Variants in GRM5 observed in about 807,000 individuals in gnomAD.
The protein encoded by GRM5 is metabotropic glutamate receptor 5.
GRM5 carries 19 observed loss-of-function variants against 83.1 expected under a neutral mutation model. That is an observed-to-expected ratio of 0.23 (90% CI 0.16 to 0.34). The LOEUF (loss-of-function observed/expected upper bound fraction) is 0.34, where lower values mean the gene tolerates loss of function less well. GRM5 is among the 10% of genes least tolerant of loss of function. The probability of loss-of-function intolerance (pLI) is 1.00; values close to 1 mark genes in which losing one functional copy is unlikely to be tolerated. For missense variants in GRM5, 1,160 were observed against 1,588.3 expected, an observed-to-expected ratio of 0.73 and a Z score of 4.58; for synonymous variants, 675 against 633.6, an observed-to-expected ratio of 1.07 and a Z score of -0.98.
chr11:88,567,096 CTAGGCTGCT>C lies in GRM5; in HGVS notation c.2578_2586del (p.Ser860_Leu862del), dbSNP rs754389708. On this transcript the variant is annotated inframe_deletion, in exon 8 of 10. Coordinates refer to ENST00000305447, the MANE Select transcript of GRM5 (RefSeq NM_001143831.3). The surrounding 1 kb of genome is among the most constrained non-coding windows in gnomAD (Gnocchi z 7.3). ...GAGCCCCTTCTCTTCCACAGGTTGA[CTAGGCTGCT>C]GGATCTGCTGGCTGCGGAGGATGAC... 13 of 1,613,866 alleles carry C rather than the reference CTAGGCTGCT, an allele frequency of 8.1e-6. No individual in the cohort carries two copies. Among genetic ancestry groups the C allele is most frequent in the Non-Finnish European group, 1.1e-5 (13 of 1,179,826 alleles).
intron 3 of GRM5, among the ~76,000 whole-genome samples, chr11:88,662,016 A>T: frequency 6.6e-6 from 1 of 152,204 alleles, no homozygotes. Context: ...ATTCATAAAA[A>T]GTAAGTAGAG....
At chr11:88,590,457 T>C (rs1434164648) in intron 7 of GRM5, 144 bp downstream of exon 7, 2 of 649,290 alleles carry the variant, frequency 3.1e-6, no homozygotes, top group Non-Finnish European at 5.3e-6. Context: ...GCTCAGACTT[T>C]GGGAAGCTTG....
intron 2 of GRM5, among the ~76,000 whole-genome samples, chr11:89,039,697 G>C (rs951653565): frequency 9.9e-5 from 15 of 152,132 alleles, no homozygotes; most frequent in African/African-American, 3.4e-4. Context: ...GATACCTAAA[G>C]GTAGCAGTCA....
intron 2 of GRM5, among the ~76,000 whole-genome samples, chr11:88,926,671 G>A (rs1207828147): frequency 6.6e-6 from 1 of 152,068 alleles, no homozygotes; most frequent in African/African-American, 2.4e-5. Flanking sequence ...TTTTTGATTT[G>A]TTTTCCCAGA....
intron 4 of GRM5, among the ~76,000 whole-genome samples, chr11:88,636,705 T>C (rs1233917082): frequency 1.3e-5 from 2 of 152,216 alleles, no homozygotes; most frequent in Non-Finnish European, 2.9e-5. Flanking sequence ...ATTATAATTT[T>C]TAAATGTGTT....
chr11:88,526,659 G>C (rs915193993), intron 8 of GRM5, among the ~76,000 whole-genome samples: 1 of 151,950 alleles, frequency 6.6e-6, no homozygotes, highest in African/African-American at 2.4e-5. Context: ...TTCAAAAGTA[G>C]TATAAAATAA....
chr11:88,751,429 CTAA>C (rs1274097778), intron 3 of GRM5, among the ~76,000 whole-genome samples: 2 of 152,080 alleles, frequency 1.3e-5, no homozygotes, highest in Admixed American at 6.6e-5. Context: ...CCTGAATAGA[CTAA>C]TAATGAGTTC....
chr11:88,946,916 A>G (rs1590987329), intron 2 of GRM5, among the ~76,000 whole-genome samples: 1 of 152,218 alleles, frequency 6.6e-6, no homozygotes, highest in East Asian at 1.9e-4. Flanking sequence ...TCCTGGAGCC[A>G]TTCTCTAACT....
chr11:88,833,203 C>T (rs1007373231), intron 3 of GRM5, among the ~76,000 whole-genome samples: 1 of 151,838 alleles, frequency 6.6e-6, no homozygotes, highest in African/African-American at 2.4e-5. Context: ...AAAATATTTG[C>T]ACAATGTTTC....
intron 3 of GRM5, among the ~76,000 whole-genome samples, chr11:88,802,424 T>C (rs977401149): frequency 2.6e-5 from 4 of 152,084 alleles, no homozygotes; most frequent in Non-Finnish European, 5.9e-5. Flanking sequence ...TTATAATAAA[T>C]GAAACAACTC....
intron 9 of GRM5, among the ~76,000 whole-genome samples, chr11:88,511,090 T>C (rs138577976): frequency 6.6e-5 from 10 of 152,354 alleles, no homozygotes; most frequent in Non-Finnish European, 1.0e-4. Context: ...ATTGTCTGGA[T>C]TGGCTTCCAA....
chr11:88,852,230 T>TATATA (rs1944400408), intron 2 of GRM5, among the ~76,000 whole-genome samples: 1 of 152,320 alleles, frequency 6.6e-6, no homozygotes, highest in Admixed American at 6.5e-5. Flanking sequence ...TGTTTATGTT[T>TATATA]ATATAATATG....
intron 2 of GRM5, among the ~76,000 whole-genome samples, chr11:89,012,634 T>C (rs1378463568): frequency 6.6e-6 from 1 of 152,182 alleles, no homozygotes; most frequent in Admixed American, 6.5e-5. Context: ...TGATAGCCAA[T>C]GTCCTAATAC....
intron 2 of GRM5, among the ~76,000 whole-genome samples, chr11:88,992,762 C>T (rs1168627352): frequency 6.7e-6 from 1 of 149,796 alleles, no homozygotes; most frequent in Non-Finnish European, 1.5e-5. Flanking sequence ...CAAACTATCG[C>T]AAGGACAAAA....
intron 4 of GRM5, among the ~76,000 whole-genome samples, chr11:88,612,361 C>T (rs1308709441): frequency 6.6e-6 from 1 of 150,502 alleles, no homozygotes; most frequent in African/African-American, 2.4e-5. Context: ...TTAATCCAGT[C>T]TATCATTGTT....
intron 3 of GRM5, among the ~76,000 whole-genome samples, chr11:88,708,936 G>A (rs1201613775): frequency 6.6e-6 from 1 of 152,052 alleles, no homozygotes; most frequent in South Asian, 2.1e-4. Context: ...ACACTTGTCG[G>A]CAAAAGGTCT....
intron 3 of GRM5, among the ~76,000 whole-genome samples, chr11:88,825,229 CTT>C (rs570503924): frequency 1.4e-5 from 2 of 143,552 alleles, no homozygotes; most frequent in African/African-American, 2.5e-5. Context: ...GGATCCTGAA[CTT>C]TTTTTTTTTT....
chr11:88,635,887 T>G (rs2135278241), intron 4 of GRM5, among the ~76,000 whole-genome samples: 1 of 152,348 alleles, frequency 6.6e-6, no homozygotes. Flanking sequence ...GGTCCAATTT[T>G]ATTTTTCCAC....
chr11:88,923,262 A>G (rs1341259537), intron 2 of GRM5, among the ~76,000 whole-genome samples: 2 of 152,206 alleles, frequency 1.3e-5, no homozygotes, highest in Non-Finnish European at 2.9e-5. Context: ...TGTTTACTGC[A>G]ACATTATTGA....
Sources: gnomAD v4.1 joint callset for allele counts (sites outside exome capture counted in the v4.1 genomes callset) on GRCh38, gnomAD v4.1.1 for gene constraint, Gnocchi (gnomAD v3.1) non-coding constraint, MANE v1.5 for transcripts, NCBI Gene and HGNC (gene_info 2026-07-23, HGNC 2026-07-21) for gene names.